NCOA2: variants seen among roughly 807,000 people sequenced by gnomAD.
NCOA2 encodes nuclear receptor coactivator 2, also known as class E basic helix-loop-helix protein 75.
Under a neutral mutation model 145.1 loss-of-function variants are expected in NCOA2, and 21 were observed. The observed-to-expected ratio is 0.14, with a 90% confidence interval of 0.10 to 0.21. The LOEUF is 0.21. Among genes scored for constraint, NCOA2 ranks in the 10% least tolerant of loss-of-function variants. NCOA2 has a pLI of 1.00. For missense variants in NCOA2, 1,472 were observed against 1,837.6 expected, an observed-to-expected ratio of 0.80 and a Z score of 3.64; for synonymous variants, 619 against 637.5, an observed-to-expected ratio of 0.97 and a Z score of 0.44.
chr8:70,448,675 G>GA, the NCOA2 span, among the ~76,000 whole-genome samples: 37 of 152,114 alleles, frequency 2.4e-4, no homozygotes, highest in African/African-American at 7.9e-4. Context: ...GCATGATGTA[G>GA]AAAAAAATGT....
chr8:70,171,822 C>T (rs111361533), intron 5 of NCOA2, among the ~76,000 whole-genome samples: 1 of 151,374 alleles, frequency 6.6e-6, no homozygotes, highest in East Asian at 1.9e-4. Context: ...ACCACCACAC[C>T]CAGATATTTT....
chr8:70,403,068 G>A (rs1158780274), intron 1 of NCOA2, among the ~76,000 whole-genome samples: 1 of 144,714 alleles, frequency 6.9e-6, no homozygotes, highest in Admixed American at 6.8e-5. Flanking sequence ...CTCGCCGGCC[G>A]CCCCGACACC....
At chr8:70,451,108 C>T in the NCOA2 span, among the ~76,000 whole-genome samples, 2 of 147,100 alleles carry the variant, frequency 1.4e-5, no homozygotes, top group Admixed American at 6.7e-5. Context: ...GTCCCAGCTA[C>T]TAGGGAGGCT....
At chr8:70,315,217 G>A (rs968607662) in intron 1 of NCOA2, among the ~76,000 whole-genome samples, 1 of 151,992 alleles carries the variant, frequency 6.6e-6, no homozygotes, top group Non-Finnish European at 1.5e-5. Flanking sequence ...GTCTTTTTGG[G>A]CATTCAACAC....
intron 1 of NCOA2, among the ~76,000 whole-genome samples, chr8:70,350,966 T>C (rs1809124386): frequency 6.6e-6 from 1 of 152,206 alleles, no homozygotes; most frequent in African/African-American, 2.4e-5. Context: ...TCAAGATGCT[T>C]GGCAACTGAT....
At chr8:70,400,822 G>C (rs567246461) in intron 1 of NCOA2, among the ~76,000 whole-genome samples, 1 of 152,220 alleles carries the variant, frequency 6.6e-6, no homozygotes, top group Non-Finnish European at 1.5e-5. Context: ...CTGTTCCCTA[G>C]AACTGCAGTC....
the NCOA2 span, among the ~76,000 whole-genome samples, chr8:70,443,102 T>G: frequency 6.6e-6 from 1 of 152,200 alleles, no homozygotes; most frequent in African/African-American, 2.4e-5. Flanking sequence ...TGGTGGCTCA[T>G]GCCTGTAATC....
chr8:70,414,654 T>C, the NCOA2 span, among the ~76,000 whole-genome samples: 2 of 152,236 alleles, frequency 1.3e-5, no homozygotes, highest in Admixed American at 1.3e-4. Context: ...TCACAGGTTT[T>C]AGGAAGACAG....
At chr8:70,162,087 G>A (rs775630106) in intron 9 of NCOA2, among the ~76,000 whole-genome samples, 3 of 152,126 alleles carry the variant, frequency 2.0e-5, no homozygotes, top group African/African-American at 2.4e-5. Flanking sequence ...AGTGAGAGAC[G>A]TGATGTTCAC....
chr8:70,216,576 G>A lies in NCOA2; in HGVS notation c.86+84C>T. The A allele has an allele frequency of 2.7e-6, 3 of 1,124,502 alleles. No homozygotes were observed. The South Asian group carries it at 3.7e-5, about 14-fold the overall frequency. The allele number at this position is 1,124,502 out of a possible 1,614,324, so 69.7% of individuals were successfully genotyped here. ...AACCAACTCAATATTTGAATCAGCA[G>A]TAAAATCAATGCTAAAATAACAAAG... On this transcript the variant is annotated intron_variant, in intron 3 of 22. Transcript: ENST00000452400.
intron 1 of NCOA2, among the ~76,000 whole-genome samples, chr8:70,394,361 G>T (rs908089642): frequency 8.5e-5 from 13 of 152,168 alleles, no homozygotes; most frequent in African/African-American, 2.9e-4. Flanking sequence ...CTCCATGTTG[G>T]TCAGGCTGGT....
chr8:70,322,019 G>A (rs1402493264), intron 1 of NCOA2, among the ~76,000 whole-genome samples: 1 of 151,634 alleles, frequency 6.6e-6, no homozygotes, highest in Non-Finnish European at 1.5e-5. Context: ...GGGAGGCTGA[G>A]GCAGGAGAAT....
At chr8:70,423,416 CAG>C in the NCOA2 span, among the ~76,000 whole-genome samples, 4 of 152,258 alleles carry the variant, frequency 2.6e-5, no homozygotes, top group African/African-American at 7.2e-5. Flanking sequence ...CTCCTGACCT[CAG>C]GTGATCTGCC....
At chr8:70,283,571 C>T (rs749562748) in intron 2 of NCOA2, among the ~76,000 whole-genome samples, 3 of 152,074 alleles carry the variant, frequency 2.0e-5, no homozygotes, top group Non-Finnish European at 4.4e-5. Context: ...ATCAAAGAGC[C>T]CAGCCTTAAC....
intron 4 of NCOA2, among the ~76,000 whole-genome samples, chr8:70,206,483 T>C (rs1818456377): frequency 6.6e-6 from 1 of 152,250 alleles, no homozygotes; most frequent in Non-Finnish European, 1.5e-5. Context: ...CTTCATTTTT[T>C]CTTGTTGTTT....
At chr8:70,235,879 T>C (rs1348046340) in intron 2 of NCOA2, among the ~76,000 whole-genome samples, 1 of 152,212 alleles carries the variant, frequency 6.6e-6, no homozygotes, top group Non-Finnish European at 1.5e-5. Flanking sequence ...ATTTTCCAGA[T>C]AATTCTGATG....
intron 15 of NCOA2, among the ~76,000 whole-genome samples, chr8:70,134,408 T>G (rs901704340): frequency 2.6e-5 from 4 of 152,222 alleles, no homozygotes; most frequent in African/African-American, 9.6e-5. Context: ...AGCTACCTCA[T>G]TCCCTAAAAA....
chr8:70,360,541 A>G (rs1390717286), intron 1 of NCOA2, among the ~76,000 whole-genome samples: 2 of 152,208 alleles, frequency 1.3e-5, no homozygotes, highest in Non-Finnish European at 2.9e-5. Context: ...ATTTCATCCC[A>G]CCAAGAGAGT....
At chr8:70,380,613 A>G (rs1382408111) in intron 1 of NCOA2, among the ~76,000 whole-genome samples, 2 of 152,094 alleles carry the variant, frequency 1.3e-5, no homozygotes, top group Non-Finnish European at 1.5e-5. Context: ...CCTAGACTAT[A>G]TGCCTGTTAC....
Sources: gnomAD v4.1 joint callset for allele counts (sites outside exome capture counted in the v4.1 genomes callset) on GRCh38, gnomAD v4.1.1 for gene constraint, MANE v1.5 for transcripts, NCBI Gene and HGNC (gene_info 2026-07-23, HGNC 2026-07-21) for gene names.